Variants in ZBTB20 observed in about 807,000 individuals in gnomAD.
ZBTB20 encodes the protein zinc finger and BTB domain-containing protein 20.
Under a neutral mutation model 56.9 loss-of-function variants are expected in ZBTB20, and 9 were observed. The ratio of observed to expected loss-of-function variants is 0.16; its 90% CI spans 0.10 to 0.28. The LOEUF is 0.28. ZBTB20 is among the 10% of genes least tolerant of loss of function. The pLI, the probability that ZBTB20 is intolerant of heterozygous loss-of-function variation, is 1.00. For synonymous variants in ZBTB20, 417 were observed against 420.7 expected (o/e 0.99, Z 0.11); for missense variants, 655 against 1,003.0 (o/e 0.65, Z 4.69).
rs1397359836 is a variant in ZBTB20 at position 114,316,527 on chromosome 3, T to A, written c.*22478A>T. On this transcript the variant is annotated 3_prime_UTR_variant, in exon 12 of 12. Coordinates refer to ENST00000675478, the MANE Select transcript of ZBTB20 (RefSeq NM_001348800.3). The stretch of plus-strand genomic sequence containing the variant: ...TATACACTATATATATGTGGATACA[T>A]ATAGGAAGTGTGTATACATTTATAC... The A allele has an allele frequency of 1.9e-6, 1 of 533,214 alleles. No homozygotes were observed. The highest frequency in any genetic ancestry group is 5.5e-5 in the East Asian group (1 of 18,334). 33.0% of individuals were successfully genotyped at this position (533,214 alleles called of 1,614,324 possible). A position where few individuals can be genotyped will look rare whatever the true frequency, so the allele number is the denominator to read the frequency against.
At chr3:114,771,994 C>A (rs2069243379) in intron 5 of ZBTB20, among the ~76,000 whole-genome samples, 1 of 152,208 alleles carries the variant, frequency 6.6e-6, no homozygotes, top group Admixed American at 6.5e-5. Flanking sequence ...ATAGGTCACA[C>A]TCTCTTAGAT....
chr3:114,786,909 T>C (rs911617916), intron 5 of ZBTB20, among the ~76,000 whole-genome samples: 1 of 152,038 alleles, frequency 6.6e-6, no homozygotes, highest in African/African-American at 2.4e-5. Context: ...CTTCTGTATA[T>C]CCATACAAAG....
chr3:114,859,943 G>GT (rs2075437958), intron 4 of ZBTB20, among the ~76,000 whole-genome samples: 1 of 152,060 alleles, frequency 6.6e-6, no homozygotes, highest in Non-Finnish European at 1.5e-5. Context: ...AATCTTTCAG[G>GT]TTCCAAAAAC....
chr3:114,633,179 CAA>C (rs1410052002), intron 6 of ZBTB20, among the ~76,000 whole-genome samples: 1 of 152,154 alleles, frequency 6.6e-6, no homozygotes, highest in Non-Finnish European at 1.5e-5. Flanking sequence ...AGAACTGATG[CAA>C]AGTTTCCAAG....
intron 6 of ZBTB20, among the ~76,000 whole-genome samples, chr3:114,569,519 T>C (rs2053181835): frequency 6.6e-6 from 1 of 152,218 alleles, no homozygotes; most frequent in Admixed American, 6.5e-5. Context: ...TATGACTCTC[T>C]GACCGCAGAT....
chr3:114,334,143 T>G lies in ZBTB20; in HGVS notation c.*4862A>C, dbSNP rs1288919358. The G allele has an allele frequency of 6.6e-6, 1 of 152,194 alleles. No individual in the cohort carries two copies. The highest frequency in any genetic ancestry group is 2.4e-5 in the African/African-American group (1 of 41,422). The allele number at this position is 152,194 out of a possible 1,614,324, so 9.4% of individuals were successfully genotyped here. On this transcript the variant is annotated 3_prime_UTR_variant, in exon 12 of 12. Coordinates refer to ENST00000675478, the MANE Select transcript of ZBTB20 (RefSeq NM_001348800.3). Reference sequence around the variant, plus strand: ...AGACCTGATTTGATTATCTGATACCTTTTCCACAAAATCATATATCCCCTG... The same window carrying G: ...AGACCTGATTTGATTATCTGATACCGTTTCCACAAAATCATATATCCCCTG...
intron 7 of ZBTB20, among the ~76,000 whole-genome samples, chr3:114,456,415 A>G (rs2092023448): frequency 6.6e-6 from 1 of 152,182 alleles, no homozygotes; most frequent in Admixed American, 6.5e-5. Flanking sequence ...TCGCTCTATG[A>G]ACATCATCTG....
chr3:114,904,907 G>A (rs1007130139), intron 3 of ZBTB20, among the ~76,000 whole-genome samples: 4 of 151,886 alleles, frequency 2.6e-5, no homozygotes, highest in Non-Finnish European at 4.4e-5. Flanking sequence ...TAGACCTTAG[G>A]TCAGATAAGC....
intron 7 of ZBTB20, among the ~76,000 whole-genome samples, chr3:114,408,420 T>C (rs1252698179): frequency 6.6e-6 from 1 of 152,204 alleles, no homozygotes; most frequent in Non-Finnish European, 1.5e-5. Context: ...ACATTGCTAA[T>C]GTTTAGGAAT....
At chr3:114,771,688 G>T (rs1374706548) in intron 5 of ZBTB20, among the ~76,000 whole-genome samples, 1 of 152,038 alleles carries the variant, frequency 6.6e-6, no homozygotes, top group African/African-American at 2.4e-5. Context: ...AAATACCAGA[G>T]CCAACCTTGA....
intron 4 of ZBTB20, among the ~76,000 whole-genome samples, chr3:114,818,363 A>G (rs2108907318): frequency 6.6e-6 from 1 of 152,258 alleles, no homozygotes; most frequent in African/African-American, 2.4e-5. Flanking sequence ...CTAGTTATGC[A>G]AGAGCAATTT....
intron 7 of ZBTB20, among the ~76,000 whole-genome samples, chr3:114,406,239 G>A (rs1288819641): frequency 1.3e-5 from 2 of 152,132 alleles, no homozygotes; most frequent in Non-Finnish European, 2.9e-5. Context: ...TAGTACAGCA[G>A]GCTTCAGAGA....
intron 6 of ZBTB20, among the ~76,000 whole-genome samples, chr3:114,625,114 T>G (rs2058579874): frequency 6.6e-6 from 1 of 151,826 alleles, no homozygotes; most frequent in African/African-American, 2.4e-5. Context: ...AGAAAGGCAG[T>G]CTAGATGGCA....
At chr3:114,696,805 G>A (rs186754327) in intron 5 of ZBTB20, among the ~76,000 whole-genome samples, 110 of 152,130 alleles carry the variant, frequency 7.2e-4, no homozygotes, top group Non-Finnish European at 9.7e-4. Flanking sequence ...CAGAAAGAGC[G>A]AGAGAAAAAG....
intron 1 of ZBTB20, among the ~76,000 whole-genome samples, chr3:115,126,304 C>T (rs1240024578): frequency 6.6e-6 from 1 of 152,090 alleles, no homozygotes; most frequent in African/African-American, 2.4e-5. Flanking sequence ...TTGACAATCT[C>T]CTGCAAAGTA....
At chr3:114,718,101 C>G (rs1388164152) in intron 5 of ZBTB20, among the ~76,000 whole-genome samples, 1 of 152,000 alleles carries the variant, frequency 6.6e-6, no homozygotes, top group African/African-American at 2.4e-5. Flanking sequence ...AAATCTTATT[C>G]TTGGTTTGGC....
At chr3:114,718,431 A>T (rs2064665217) in intron 5 of ZBTB20, among the ~76,000 whole-genome samples, 1 of 152,130 alleles carries the variant, frequency 6.6e-6, no homozygotes, top group African/African-American at 2.4e-5. Context: ...GTTCACTTTC[A>T]TCTCAAGAGA....
At chr3:114,831,653 C>T (rs1336616758) in intron 4 of ZBTB20, among the ~76,000 whole-genome samples, 1 of 151,950 alleles carries the variant, frequency 6.6e-6, no homozygotes, top group Non-Finnish European at 1.5e-5. Flanking sequence ...TGAATGAATA[C>T]TTAACTGCCT....
intron 5 of ZBTB20, among the ~76,000 whole-genome samples, chr3:114,695,122 C>A (rs1334812894): frequency 6.6e-6 from 1 of 151,976 alleles, no homozygotes; most frequent in Non-Finnish European, 1.5e-5. Context: ...AACTGAGGTT[C>A]TTGTTGCCAC....
Sources: allele counts gnomAD v4.1 joint callset (sites outside exome capture counted in the v4.1 genomes callset), GRCh38; gene constraint gnomAD v4.1.1; transcripts MANE v1.5; gene names NCBI Gene and HGNC (gene_info 2026-07-23, HGNC 2026-07-21).